The following MAPK8 variants were observed in gnomAD, a reference collection of about 807,000 sequenced individuals.
The protein encoded by MAPK8 is JUN N-terminal kinase.
MAPK8 carries 13 observed loss-of-function variants against 52.9 expected under a neutral mutation model. The observed-to-expected ratio is 0.25, with a 90% CI of 0.16 to 0.39. MAPK8 has a LOEUF of 0.39. Ranked by LOEUF, MAPK8 falls within the 10% of genes least tolerant of loss-of-function variation. MAPK8 has a pLI of 1.00. For synonymous variants in MAPK8, 191 were observed against 169.8 expected, an observed-to-expected ratio of 1.12 and a Z score of -0.97; for missense variants, 300 against 519.2, an observed-to-expected ratio of 0.58 and a Z score of 4.10.
chr10:48,403,383 G>A (rs180682418), intron 2 of MAPK8, among the ~76,000 whole-genome samples: 86 of 151,974 alleles, frequency 5.7e-4, no homozygotes, highest in African/African-American at 1.8e-3. Context: ...GCTTGAACCC[G>A]GGAGGTGGAG....
intron 1 of MAPK8, among the ~76,000 whole-genome samples, chr10:48,335,399 C>T (rs1339970876): frequency 6.6e-6 from 1 of 152,004 alleles, no homozygotes; most frequent in Non-Finnish European, 1.5e-5. Context: ...ATAGTGATAA[C>T]CAAAAAGTTT....
At chr10:48,369,029 G>A (rs1447321628) in intron 1 of MAPK8, among the ~76,000 whole-genome samples, 3 of 152,158 alleles carry the variant, frequency 2.0e-5, no homozygotes, top group African/African-American at 7.2e-5. Context: ...TGTGCTAAGA[G>A]GGCAGGGTCA....
intron 1 of MAPK8, among the ~76,000 whole-genome samples, chr10:48,356,841 C>CAAAAAAAAAA (rs869186711): frequency 1.7e-4 from 5 of 30,278 alleles, no homozygotes; most frequent in Non-Finnish European, 3.3e-4. Context: ...GACTCCGTCT[C>CAAAAAAAAAA]AAAAAAAAAA....
intron 1 of MAPK8, among the ~76,000 whole-genome samples, chr10:48,339,658 CTA>C (rs1408765797): frequency 6.6e-6 from 1 of 152,078 alleles, no homozygotes; most frequent in Non-Finnish European, 1.5e-5. Context: ...TATTTGCAAA[CTA>C]TATATCCAGT....
intron 7 of MAPK8, 126 bp from the exon 8 acceptor site, chr10:48,425,762 A>G (rs754624113): frequency 1.9e-6 from 1 of 535,742 alleles, no homozygotes; most frequent in Non-Finnish European, 3.2e-6. Flanking sequence ...TGCCTGTGAG[A>G]TATAAAATTT....
At chr10:48,332,830 G>T (rs1190211534) in intron 1 of MAPK8, among the ~76,000 whole-genome samples, 1 of 152,206 alleles carries the variant, frequency 6.6e-6, no homozygotes, top group East Asian at 1.9e-4. Flanking sequence ...TTCCAAAAGT[G>T]TGTACCACTT....
intron 1 of MAPK8, among the ~76,000 whole-genome samples, chr10:48,328,974 C>T (rs927160784): frequency 7.2e-5 from 11 of 152,112 alleles, no homozygotes; most frequent in African/African-American, 2.4e-4. Flanking sequence ...AAAGCGTTTC[C>T]AACTTTAGCT....
chr10:48,360,563 C>T (rs1267143712), intron 1 of MAPK8, among the ~76,000 whole-genome samples: 1 of 152,106 alleles, frequency 6.6e-6, no homozygotes, highest in Non-Finnish European at 1.5e-5. Context: ...GCCTAAATAT[C>T]CCTCAGTAGT....
intron 7 of MAPK8, chr10:48,425,280 A>G (rs554633342): frequency 2.9e-6 from 2 of 692,698 alleles, no homozygotes; most frequent in African/African-American, 1.8e-5. Flanking sequence ...AAAGGAGACC[A>G]AGAAATCCTA....
At chr10:48,333,116 G>T (rs1564492819) in intron 1 of MAPK8, among the ~76,000 whole-genome samples, 1 of 152,108 alleles carries the variant, frequency 6.6e-6, no homozygotes. Flanking sequence ...CTTTGGTTTG[G>T]TATTCTATGA....
intron 11 of MAPK8, among the ~76,000 whole-genome samples, chr10:48,433,817 G>T (rs1319735968): frequency 6.6e-6 from 1 of 152,200 alleles, no homozygotes; most frequent in Admixed American, 6.5e-5. Flanking sequence ...GTGGTTTTCA[G>T]CCCATTTGGT....
chr10:48,322,097 G>C (rs1354671649), intron 1 of MAPK8, among the ~76,000 whole-genome samples: 1 of 152,162 alleles, frequency 6.6e-6, no homozygotes, highest in Non-Finnish European at 1.5e-5. Context: ...TAGAGGGTCT[G>C]TCTGTGAGTG....
rs1258978201 is a variant in MAPK8, at chr10:48,337,928, A to G, written c.-50+31107A>G. The stretch of plus-strand genomic sequence containing the variant: ...AATCAAAATCCTGAACAGACCAATA[A>G]CGAGTTATAACGTTGAATACATAAT... On this transcript the variant is annotated intron_variant, in intron 1 of 11. Transcript: ENST00000374189. 3.3e-5 allele frequency among the ~76,000 whole-genome samples: 5 copies of G among 152,244 alleles called. No homozygotes were observed. The South Asian group carries it at 8.3e-4, about 25-fold the overall frequency.
chr10:48,392,684 T>A (rs1170386861), intron 1 of MAPK8, among the ~76,000 whole-genome samples: 2 of 152,022 alleles, frequency 1.3e-5, no homozygotes, highest in Non-Finnish European at 2.9e-5. Context: ...CTTTATTGGA[T>A]CCTTTTTGTT....
chr10:48,363,383 G>T (rs1174747852), intron 1 of MAPK8, among the ~76,000 whole-genome samples: 1 of 152,120 alleles, frequency 6.6e-6, no homozygotes, highest in Non-Finnish European at 1.5e-5. Flanking sequence ...GAGCTGGCAA[G>T]AAATCTTTCT....
chr10:48,314,841 C>A (rs1333727398), intron 1 of MAPK8, among the ~76,000 whole-genome samples: 1 of 152,030 alleles, frequency 6.6e-6, no homozygotes, highest in African/African-American at 2.4e-5. Context: ...AATGTTTTTC[C>A]CCAATTTGCT....
At chr10:48,345,124 A>G (rs982650259) in intron 1 of MAPK8, among the ~76,000 whole-genome samples, 6 of 152,230 alleles carry the variant, frequency 3.9e-5, no homozygotes, top group African/African-American at 1.4e-4. Flanking sequence ...ATTTTTTAAT[A>G]GATCATAGTG....
At chr10:48,319,493 C>G (rs114096650) in intron 1 of MAPK8, among the ~76,000 whole-genome samples, 4 of 151,972 alleles carry the variant, frequency 2.6e-5, no homozygotes, top group Non-Finnish European at 5.9e-5. Context: ...CTGGCTATCT[C>G]TTTTTTATTT....
chr10:48,363,294 T>C (rs1847726658), intron 1 of MAPK8, among the ~76,000 whole-genome samples: 1 of 152,216 alleles, frequency 6.6e-6, no homozygotes, highest in Non-Finnish European at 1.5e-5. Context: ...GGTAACCTCC[T>C]TTTCTTTATA....
Sources: allele counts gnomAD v4.1 joint callset (sites outside exome capture counted in the v4.1 genomes callset), GRCh38; gene constraint gnomAD v4.1.1; transcripts MANE v1.5; gene names NCBI Gene and HGNC (gene_info 2026-07-23, HGNC 2026-07-21).